Variants in OR3A3 observed in about 807,000 individuals in gnomAD.
OR3A3 encodes olfactory receptor family 3 subfamily A member 3, also known as olfactory receptor 3A3.
For synonymous variants in OR3A3, 103 were observed against 163.9 expected (o/e 0.63, Z 2.84); for missense variants, 275 against 391.4 (o/e 0.70, Z 2.51).
intron 2 of OR3A3, among the ~76,000 whole-genome samples, chr17:3,418,728 C>T (rs866168073): frequency 1.3e-5 from 2 of 151,966 alleles, no homozygotes; most frequent in African/African-American, 4.9e-5. Flanking sequence ...TCATGCTTCC[C>T]TTTCTGTTAG....
intron 2 of OR3A3, among the ~76,000 whole-genome samples, chr17:3,415,965 T>A (rs1221337133): frequency 6.6e-6 from 1 of 151,442 alleles, no homozygotes; most frequent in Non-Finnish European, 1.5e-5. Flanking sequence ...GCGAGCACCA[T>A]CACGCCTGGC....
intron 2 of OR3A3, among the ~76,000 whole-genome samples, chr17:3,414,366 C>CG: frequency 6.6e-6 from 1 of 152,282 alleles, no homozygotes; most frequent in South Asian, 2.1e-4. Context: ...CCACCATGGC[C>CG]GGCCAGGATT....
exon 3 of OR3A3, chr17:3,420,858 C>A (rs1597376529): frequency 6.6e-7 from 1 of 1,509,824 alleles, no homozygotes; most frequent in East Asian, 2.3e-5. Context: ...TCTTGTCCCA[C>A]AAGTCCACAA....
At chr17:3,418,396 AAT>A (rs1185936740) in intron 2 of OR3A3, among the ~76,000 whole-genome samples, 1 of 152,108 alleles carries the variant, frequency 6.6e-6, no homozygotes, top group African/African-American at 2.4e-5. Flanking sequence ...CTCTAATGTC[AAT>A]GCTGACACAC....
chr17:3,419,952 A>G (rs1024753501), intron 2 of OR3A3, among the ~76,000 whole-genome samples: 3 of 151,928 alleles, frequency 2.0e-5, no homozygotes, highest in African/African-American at 4.8e-5. Flanking sequence ...TATTTTTAGT[A>G]GAGACGGGGT....
intron 2 of OR3A3, among the ~76,000 whole-genome samples, chr17:3,417,591 G>C (rs1160460874): frequency 1.3e-5 from 2 of 152,120 alleles, no homozygotes; most frequent in Non-Finnish European, 2.9e-5. Flanking sequence ...GGGGCTCATA[G>C]AACAACTATT....
Position 3,415,326 on chromosome 17 carries a change from C to G in OR3A3, c.-7+3155C>G, listed in dbSNP as rs374832981. ...GTGTAATCCCAGCACTTTGGGAGGC[C>G]GAGGCGGGCGGATCACATGAGGTCA... On this transcript the variant is annotated intron_variant, in intron 2 of 2. Coordinates refer to ENST00000641141, the Ensembl canonical transcript of OR3A3. Among the ~76,000 whole-genome samples, 62 of 151,518 alleles carry G rather than the reference C, an allele frequency of 4.1e-4. No homozygotes were observed. The East Asian group carries it at 5.2e-3, about 13-fold the overall frequency.
chr17:3,420,343 C>A (rs1414946231), intron 2 of OR3A3, among the ~76,000 whole-genome samples: 1 of 152,050 alleles, frequency 6.6e-6, no homozygotes, highest in Admixed American at 6.5e-5. Context: ...TAAATTAGAT[C>A]TTTTATCTTA....
exon 3 of OR3A3, chr17:3,422,409 A>T (rs2072440871): frequency 6.6e-6 from 1 of 152,202 alleles, no homozygotes; most frequent in Non-Finnish European, 1.5e-5. Context: ...TGAAACAGTA[A>T]GCGTTTATGT....
chr17:3,418,193 GTT>G (rs2072403666), intron 2 of OR3A3, among the ~76,000 whole-genome samples: 1 of 152,074 alleles, frequency 6.6e-6, no homozygotes, highest in African/African-American at 2.4e-5. Context: ...TCTAGCATTT[GTT>G]TGTCCTAGTT....
chr17:3,416,652 G>A (rs2072393698), intron 2 of OR3A3, among the ~76,000 whole-genome samples: 1 of 151,894 alleles, frequency 6.6e-6, no homozygotes, highest in African/African-American at 2.4e-5. Flanking sequence ...TAACTTCATA[G>A]AAAACTTTTA....
chr17:3,414,589 T>C (rs958327659), intron 2 of OR3A3, among the ~76,000 whole-genome samples: 3 of 152,158 alleles, frequency 2.0e-5, no homozygotes, highest in Admixed American at 6.5e-5. Flanking sequence ...GCTTTGACAA[T>C]TGGAGCAGCA....
chr17:3,419,110 C>T (rs1399753622), intron 2 of OR3A3, among the ~76,000 whole-genome samples: 5 of 152,206 alleles, frequency 3.3e-5, no homozygotes. Flanking sequence ...ACTTGTTAGT[C>T]AAAGTCCAGT....
rs567424922 is a variant in OR3A3 at position 3,414,699 on chromosome 17, A to G, written c.-7+2528A>G. ...AAGGCATTTACTGGCAAGCCAGGAG[A>G]TAGCTCATCACCAGAAATGGAATTT... On this transcript the variant is annotated intron_variant, in intron 2 of 2. Transcript: ENST00000641141. Among the ~76,000 whole-genome samples, 4 of 152,284 alleles carry G rather than the reference A, an allele frequency of 2.6e-5. No homozygotes were observed. In the South Asian group the frequency reaches 8.3e-4, roughly 32 times the overall value.
intron 2 of OR3A3, among the ~76,000 whole-genome samples, chr17:3,414,981 C>T (rs1293410470): frequency 6.6e-6 from 1 of 151,932 alleles, no homozygotes; most frequent in African/African-American, 2.4e-5. Context: ...ATATTACTAC[C>T]ACTCTTTGAA....
In OR3A3 at chr17:3,414,430, G is replaced by A. The variant is rs574799750; in HGVS notation, c.-7+2259G>A. ...GCAGCTGAGGTTGAGACTCACTGCA[G>A]TACATTTTCATAGAGCATCAGCGAG... On this transcript the variant is annotated intron_variant, in intron 2 of 2. Coordinates refer to ENST00000641141, the Ensembl canonical transcript of OR3A3. Among the ~76,000 whole-genome samples the A allele has an allele frequency of 2.3e-4, 35 of 152,278 alleles. 1 individual carries two copies. In the South Asian group the frequency reaches 6.8e-3, roughly 30 times the overall value.
intron 2 of OR3A3, among the ~76,000 whole-genome samples, chr17:3,415,801 T>A (rs201962631): frequency 0.092 from 1,445 of 15,642 alleles, 21 homozygotes; most frequent in Non-Finnish European, 0.15. Context: ...ATTTTTAAAT[T>A]ATTATTATTA....
At position 3,411,969 on chromosome 17, in the gene OR3A3, C is replaced by T. The variant is rs537565518; in HGVS notation, c.-200-9C>T. The T allele has an allele frequency of 6.6e-6, 1 of 151,932 alleles. No individual in the cohort carries two copies. Among genetic ancestry groups the T allele is most frequent in the South Asian group, 2.1e-4 (1 of 4,802 alleles). 9.4% of individuals were successfully genotyped at this position (151,932 alleles called of 1,614,324 possible). A position where few individuals can be genotyped will look rare whatever the true frequency, so the allele number is the denominator to read the frequency against. On this transcript the variant is annotated splice_polypyrimidine_tract_variant and intron_variant, in intron 1 of 2. Coordinates refer to ENST00000641141, the Ensembl canonical transcript of OR3A3. ...TCCGTGTCTCTCCCCCCATCCTTCT[C>T]TCTCCTAGGAGAGCCAGTTTCTGAG...
chr17:3,414,503 A>T (rs749426139), intron 2 of OR3A3, among the ~76,000 whole-genome samples: 1 of 152,178 alleles, frequency 6.6e-6, no homozygotes, highest in Non-Finnish European at 1.5e-5. Flanking sequence ...AGAAAGAAAA[A>T]CACGATGCAG....
Sources: allele counts gnomAD v4.1 joint callset (sites outside exome capture counted in the v4.1 genomes callset), GRCh38; gene constraint gnomAD v4.1.1; transcripts MANE v1.5; gene names NCBI Gene and HGNC (gene_info 2026-07-23, HGNC 2026-07-21).